ZBTB2: variants seen among roughly 807,000 people sequenced by gnomAD.
The protein encoded by ZBTB2 is zinc finger and BTB domain containing 2, also known as zinc finger and BTB domain-containing protein 2.
ZBTB2 carries 2 observed loss-of-function variants against 39.5 expected under a neutral mutation model. The ratio of observed to expected loss-of-function variants is 0.05; its 90% CI spans 0.02 to 0.16. The LOEUF (loss-of-function observed/expected upper bound fraction) is 0.16, where lower values mean the gene tolerates loss of function less well. ZBTB2 is among the 10% of genes least tolerant of loss of function. ZBTB2 has a pLI of 1.00. For missense variants in ZBTB2, 391 were observed against 653.0 expected (o/e 0.60, Z 4.37); for synonymous variants, 251 against 256.6 (o/e 0.98, Z 0.21).
intron 2 of ZBTB2, chr6:151,370,168 T>A: frequency 1.2e-6 from 1 of 809,432 alleles, no homozygotes; most frequent in Non-Finnish European, 1.5e-6. Flanking sequence ...GGAGTTTCAC[T>A]CTTGTTGCCC....
chr6:151,373,032 G>A (rs1251016588), intron 2 of ZBTB2, among the ~76,000 whole-genome samples: 2 of 151,686 alleles, frequency 1.3e-5, no homozygotes, highest in African/African-American at 4.8e-5. Context: ...GCGGGTGCCT[G>A]TAGTCCCAGC....
chr6:151,368,917 G>C (rs1046453501), intron 2 of ZBTB2, among the ~76,000 whole-genome samples: 2 of 150,928 alleles, frequency 1.3e-5, no homozygotes, highest in African/African-American at 4.9e-5. Flanking sequence ...CCGCCACCAG[G>C]CCCAGCTAAT....
rs1554336609 is a variant in ZBTB2 at position 151,373,870 on chromosome 6, A to AAAAAC, written c.-12-222_-12-221insGTTTT. ...AAAAAAAAAAAAAAAAAAAAAAAAAAAAAAAAACCAGATGATGCCATTTAA... is the reference window on the plus strand; with the variant it reads ...AAAAAAAAAAAAAAAAAAAAAAAAAAAAAACAAAAAAACCAGATGATGCCATTTAA... On this transcript the variant is annotated intron_variant, in intron 1 of 2. Coordinates refer to ENST00000325144, the MANE Select transcript of ZBTB2 (RefSeq NM_020861.3). Among the ~76,000 whole-genome samples the AAAAAC allele has an allele frequency of 9.6e-4, 119 of 123,592 alleles. 3 individuals carry two copies. The highest frequency in any genetic ancestry group is 7.9e-3 in the East Asian group (34 of 4,314). 81.1% of individuals were successfully genotyped at this position (123,592 alleles called of 152,430 possible). A position where few individuals can be genotyped will look rare whatever the true frequency, so the allele number is the denominator to read the frequency against.
intron 1 of ZBTB2, among the ~76,000 whole-genome samples, chr6:151,391,050 C>T (rs1243821862): frequency 4.7e-5 from 7 of 149,212 alleles, no homozygotes; most frequent in East Asian, 2.0e-4. Flanking sequence ...GCCGCCCGCC[C>T]TCTCGGCTTC....
intron 1 of ZBTB2, among the ~76,000 whole-genome samples, chr6:151,388,037 TTCTTAG>T (rs1779198514): frequency 6.6e-6 from 1 of 152,122 alleles, no homozygotes; most frequent in Admixed American, 6.6e-5. Flanking sequence ...TTTAGAAATA[TTCTTAG>T]TCTAATGCTT....
At chr6:151,372,888 C>T (rs1778814883) in intron 2 of ZBTB2, among the ~76,000 whole-genome samples, 1 of 152,048 alleles carries the variant, frequency 6.6e-6, no homozygotes, top group African/African-American at 2.4e-5. Flanking sequence ...GGTGTGGTGG[C>T]TCACGCCTGT....
chr6:151,388,388 G>A (rs916323116), intron 1 of ZBTB2, among the ~76,000 whole-genome samples: 6 of 152,174 alleles, frequency 3.9e-5, no homozygotes, highest in African/African-American at 1.2e-4. Flanking sequence ...ATCCCAGGCC[G>A]ATGCTACAGA....
intron 1 of ZBTB2, among the ~76,000 whole-genome samples, chr6:151,377,813 C>T (rs1778951297): frequency 1.3e-5 from 2 of 151,904 alleles, no homozygotes; most frequent in African/African-American, 4.8e-5. Context: ...GGATTACGGA[C>T]GTGAGCCACC....
At chr6:151,373,012 G>A (rs1350823741) in intron 2 of ZBTB2, among the ~76,000 whole-genome samples, 2 of 151,682 alleles carry the variant, frequency 1.3e-5, no homozygotes, top group Admixed American at 6.6e-5. Flanking sequence ...AATATTAGCC[G>A]GGCGTGGCGG....
At chr6:151,369,811 A>C (rs1344007132) in intron 2 of ZBTB2, among the ~76,000 whole-genome samples, 3 of 152,146 alleles carry the variant, frequency 2.0e-5, no homozygotes, top group African/African-American at 7.2e-5. Flanking sequence ...TGTCTCTATT[A>C]AAAATACAAA....
chr6:151,366,633 C>T lies in ZBTB2; in HGVS notation c.433G>A (p.Ala145Thr), dbSNP rs774984783. The change falls in exon 3 of 3, where the codon GCC becomes ACC. Residue 145 changes from alanine (A) to threonine (T), a missense_variant. By Grantham distance (58) the Ala-to-Thr change is moderately conservative. This residue lies in a region of ZBTB2 where 175 missense variants were observed against 198.6 expected (regional missense o/e 0.88). Coordinates refer to ENST00000325144, the MANE Select transcript of ZBTB2 (RefSeq NM_020861.3). This position sits in a 1 kb window ranked among gnomAD's most constrained non-coding sequence, Gnocchi z 7.1. ...IQIADHQLRQ[A>T]TKIASAPEKL... ...TCAGGTGCTGAAGCAATCTTGGTGG[C>T]TTGTCTCAACTGATGATCTGCAATC... 8.1e-6 allele frequency: 13 copies of T among 1,613,954 alleles called. No homozygotes were observed. In the East Asian group the frequency reaches 1.1e-4, roughly 14 times the overall value.
Position 151,391,515 on chromosome 6 carries a change from CGCTGCT to C in ZBTB2, c.-114_-109del, listed in dbSNP as rs999514026. On this transcript the variant is annotated 5_prime_UTR_variant, in exon 1 of 3. Coordinates refer to ENST00000325144, the MANE Select transcript of ZBTB2 (RefSeq NM_020861.3). ...CCCCGCCGCCGCCGCCTCTGCCTCT[CGCTGCT>C]GCTGCTGCTGCTGCCGCCGCGGTCG... 15 of 153,276 alleles carry C rather than the reference CGCTGCT, an allele frequency of 9.8e-5. No individual in the cohort carries two copies. The highest frequency in any genetic ancestry group is 2.2e-4 in the African/African-American group (9 of 40,950). The allele number at this position is 153,276 out of a possible 1,614,324, so 9.5% of individuals were successfully genotyped here. A position where few individuals can be genotyped will look rare whatever the true frequency, so the allele number is the denominator to read the frequency against.
At chr6:151,385,171 C>T (rs956662516) in intron 1 of ZBTB2, among the ~76,000 whole-genome samples, 8 of 152,184 alleles carry the variant, frequency 5.3e-5, no homozygotes, top group Admixed American at 1.3e-4. Context: ...TCATGGAATG[C>T]CTTCTTTCTG....
chr6:151,380,826 G>A (rs1779018635), intron 1 of ZBTB2, among the ~76,000 whole-genome samples: 3 of 152,104 alleles, frequency 2.0e-5, no homozygotes, highest in Non-Finnish European at 4.4e-5. Context: ...AGCCTCTTTG[G>A]TGATCTCTTT....
intron 2 of ZBTB2, among the ~76,000 whole-genome samples, chr6:151,369,104 T>C (rs1475403168): frequency 1.3e-5 from 2 of 152,214 alleles, no homozygotes; most frequent in Non-Finnish European, 2.9e-5. Flanking sequence ...CATTCATTGT[T>C]GGATAGGCTG....
intron 1 of ZBTB2, 21 bp from the exon 2 acceptor site, chr6:151,373,670 T>G (rs1365336880): frequency 6.9e-6 from 11 of 1,604,698 alleles, no homozygotes; most frequent in Non-Finnish European, 9.4e-6. Flanking sequence ...AACAATTTTA[T>G]TTTTAAGAAG....
At chr6:151,372,500 G>T (rs549270355) in intron 2 of ZBTB2, among the ~76,000 whole-genome samples, 6 of 152,150 alleles carry the variant, frequency 3.9e-5, no homozygotes, top group Admixed American at 6.5e-5. Flanking sequence ...GGGGCAGGGT[G>T]GGGGGTGTAT....
chr6:151,377,398 C>T lies in ZBTB2; in HGVS notation c.-12-3749G>A, dbSNP rs1344090992. On this transcript the variant is annotated intron_variant, in intron 1 of 2. Transcript: ENST00000325144. The stretch of plus-strand genomic sequence containing the variant: ...TTTTTTTTTTTTTGAGACAGAGTTT[C>T]GCTCTTGTTGCCCAGGCTGGAGTGC... 7.5e-4 allele frequency among the ~76,000 whole-genome samples: 111 copies of T among 147,094 alleles called. 3 individuals are homozygous for T. Among genetic ancestry groups the T allele is most frequent in the African/African-American group, 2.6e-3 (100 of 38,844 alleles).
At position 151,365,344 on chromosome 6, in the gene ZBTB2, G is replaced by T. The variant is rs1708570046; in HGVS notation, c.*177C>A. The T allele has an allele frequency of 1.5e-6, 1 of 677,038 alleles. No homozygotes were observed. The highest frequency in any genetic ancestry group is 2.4e-6 in the Non-Finnish European group (1 of 412,804). 41.9% of individuals were successfully genotyped at this position (677,038 alleles called of 1,614,324 possible). A position where few individuals can be genotyped will look rare whatever the true frequency, so the allele number is the denominator to read the frequency against. ...CCTGAAAGAAAGTCGATACATTCCAGGTTTATAATGCACAAAGCCTTTACA... is the reference window on the plus strand; with the variant it reads ...CCTGAAAGAAAGTCGATACATTCCATGTTTATAATGCACAAAGCCTTTACA... On this transcript the variant is annotated 3_prime_UTR_variant, in exon 3 of 3. Coordinates refer to ENST00000325144, the MANE Select transcript of ZBTB2 (RefSeq NM_020861.3). This position sits in a 1 kb window ranked among gnomAD's most constrained non-coding sequence, Gnocchi z 5.6.
Sources: gnomAD v4.1 joint callset for allele counts (sites outside exome capture counted in the v4.1 genomes callset) on GRCh38, gnomAD v4.1.1 for gene constraint, gnomAD v4.1.1 regional missense constraint, Gnocchi (gnomAD v3.1) non-coding constraint, MANE v1.5 for transcripts, NCBI Gene and HGNC (gene_info 2026-07-23, HGNC 2026-07-21) for gene names.